Variants in DGKB observed in about 807,000 individuals in gnomAD.
DGKB encodes diacylglycerol kinase beta, also known as 90 kDa diacylglycerol kinase.
In DGKB, 67 loss-of-function variants were observed where a neutral mutation model predicts 114.3. The ratio of observed to expected loss-of-function variants is 0.59; its 90% CI spans 0.48 to 0.72. The LOEUF is 0.72. Among genes scored for constraint, DGKB ranks in the 30% least tolerant of loss-of-function variants. The pLI is 0.00. For synonymous variants in DGKB, 398 were observed against 323.1 expected (o/e 1.23, Z -2.49); for missense variants, 907 against 975.2 (o/e 0.93, Z 0.93).
chr7:14,550,228 T>C (rs1794914780), intron 20 of DGKB, among the ~76,000 whole-genome samples: 1 of 152,136 alleles, frequency 6.6e-6, no homozygotes, highest in African/African-American at 2.4e-5. Context: ...TTATCATTCA[T>C]TAGAGATTAG....
At chr7:14,529,661 C>G (rs58846169) in intron 20 of DGKB, among the ~76,000 whole-genome samples, 17,666 of 151,644 alleles carry the variant, frequency 0.12, 1,477 homozygotes, top group East Asian at 0.44. Flanking sequence ...AATGATAATG[C>G]TCTCAAAACT....
intron 19 of DGKB, among the ~76,000 whole-genome samples, chr7:14,578,219 C>T (rs1799446558): frequency 6.6e-6 from 1 of 152,188 alleles, no homozygotes; most frequent in Admixed American, 6.5e-5. Context: ...TGTAAGTTTC[C>T]TGAGGCCTCC....
chr7:14,484,091 A>G (rs1783402908), intron 20 of DGKB, among the ~76,000 whole-genome samples: 1 of 151,086 alleles, frequency 6.6e-6, no homozygotes, highest in African/African-American at 2.4e-5. Flanking sequence ...TCTTGAATCC[A>G]TGGTTATTTT....
chr7:14,310,873 C>T (rs920178857), intron 23 of DGKB, among the ~76,000 whole-genome samples: 7 of 152,140 alleles, frequency 4.6e-5, no homozygotes, highest in Non-Finnish European at 1.0e-4. Flanking sequence ...TGGCTGACGC[C>T]TGTAATCCCA....
At chr7:14,310,552 G>C (rs750350214) in intron 23 of DGKB, among the ~76,000 whole-genome samples, 6 of 152,122 alleles carry the variant, frequency 3.9e-5, no homozygotes, top group Non-Finnish European at 8.8e-5. Context: ...AACCAATCAA[G>C]AATGGATAAT....
At chr7:14,774,164 G>A (rs1354411112) in intron 2 of DGKB, among the ~76,000 whole-genome samples, 3 of 152,188 alleles carry the variant, frequency 2.0e-5, no homozygotes, top group Admixed American at 6.5e-5. Flanking sequence ...ATAGAGAAAT[G>A]TCTTAGGCAT....
intron 4 of DGKB, 110 bp from the exon 5 acceptor site, chr7:14,736,304 C>A (rs973542993): frequency 2.0e-5 from 13 of 645,388 alleles, no homozygotes; most frequent in South Asian, 2.8e-5. Context: ...ATTTTTATAT[C>A]CAAGTTTAAC....
rs138932826 is a variant in DGKB, at chr7:14,348,736, G to A, written c.1836-3345C>T. Among the ~76,000 whole-genome samples, 232 of 151,842 alleles carry A rather than the reference G, an allele frequency of 1.5e-3. 1 individual carries two copies. Among genetic ancestry groups the A allele is most frequent in the African/African-American group, 5.1e-3 (213 of 41,424 alleles). On this transcript the variant is annotated intron_variant, in intron 21 of 25. Transcript: ENST00000402815. ...ATGAAATATGAGCCAAGTATTGTAG[G>A]AACATACTTCAATGATTCAGCTAAT...
At position 14,352,848 on chromosome 7, in the gene DGKB, G is replaced by A. The variant is rs772910177; in HGVS notation, c.1836-7457C>T. On this transcript the variant is annotated intron_variant, in intron 21 of 25. Coordinates refer to ENST00000402815, the MANE Select transcript of DGKB (RefSeq NM_001350709.2). ...TGAGGCAGGAGAATCGTCTGAACCC[G>A]GGAGGCGGAGGCTGCAGTGAGCTGA... 2.6e-5 allele frequency among the ~76,000 whole-genome samples: 4 copies of A among 152,162 alleles called. No individual in the cohort carries two copies. The Middle Eastern group carries it at 0.01, about 388-fold the overall frequency.
chr7:14,255,129 C>A (rs563979938), intron 23 of DGKB, among the ~76,000 whole-genome samples: 3 of 152,232 alleles, frequency 2.0e-5, no homozygotes, highest in African/African-American at 7.2e-5. Flanking sequence ...GTTGTCAGAA[C>A]AAAGCAACTT....
intron 12 of DGKB, among the ~76,000 whole-genome samples, chr7:14,673,494 A>C (rs1819343702): frequency 6.7e-6 from 1 of 148,620 alleles, no homozygotes; most frequent in Admixed American, 6.8e-5. Context: ...CATTAGTTTT[A>C]ACTTTGTAAT....
At position 14,543,807 on chromosome 7, in the gene DGKB, A is replaced by C. The variant is rs1793863871; in HGVS notation, c.1770+30405T>G. Among the ~76,000 whole-genome samples the C allele has an allele frequency of 1.3e-5, 2 of 152,220 alleles. 1 individual carries two copies. Among genetic ancestry groups the C allele is most frequent in the Admixed American group, 1.3e-4 (2 of 15,266 alleles). On this transcript the variant is annotated intron_variant, in intron 20 of 25. Coordinates refer to ENST00000402815, the MANE Select transcript of DGKB (RefSeq NM_001350709.2). ...AAGGTACTGATTGGTTATAATTCTT[A>C]CAGAGAAAGCTCCAAAAATCTTTTC...
intron 9 of DGKB, among the ~76,000 whole-genome samples, chr7:14,688,257 T>C (rs1822068398): frequency 6.6e-6 from 1 of 152,202 alleles, no homozygotes; most frequent in Admixed American, 6.5e-5. Flanking sequence ...GGAATTTATT[T>C]TTTATAAAAC....
chr7:14,658,362 A>C (rs1816291270), intron 13 of DGKB, among the ~76,000 whole-genome samples: 1 of 151,998 alleles, frequency 6.6e-6, no homozygotes, highest in Non-Finnish European at 1.5e-5. Flanking sequence ...GGGAGTTAAA[A>C]AGTTAATTCC....
chr7:14,670,992 G>T (rs1818868679), intron 13 of DGKB, among the ~76,000 whole-genome samples: 1 of 152,116 alleles, frequency 6.6e-6, no homozygotes, highest in African/African-American at 2.4e-5. Flanking sequence ...AATCAAAAGA[G>T]CTATAATTAT....
chr7:14,930,344 G>C (rs1784951227), intron 1 of DGKB, among the ~76,000 whole-genome samples: 1 of 152,110 alleles, frequency 6.6e-6, no homozygotes, highest in South Asian at 2.1e-4. Context: ...CAATTCATAA[G>C]CATGGGATGT....
chr7:14,691,311 T>A (rs570803917), intron 9 of DGKB, among the ~76,000 whole-genome samples: 2 of 152,290 alleles, frequency 1.3e-5, no homozygotes, highest in Admixed American at 6.5e-5. Flanking sequence ...CCCGAGCTCA[T>A]AATTGACAAT....
intron 1 of DGKB, among the ~76,000 whole-genome samples, chr7:14,921,410 G>A: frequency 6.6e-6 from 1 of 152,162 alleles, no homozygotes; most frequent in Non-Finnish European, 1.5e-5. Context: ...AAACTGAAAG[G>A]TATTAATTCC....
chr7:14,502,025 T>C (rs1179622194), intron 20 of DGKB, among the ~76,000 whole-genome samples: 1 of 151,942 alleles, frequency 6.6e-6, no homozygotes, highest in Non-Finnish European at 1.5e-5. Context: ...TTGTAGCTTG[T>C]CTCAATAGTA....
Sources: allele counts gnomAD v4.1 joint callset (sites outside exome capture counted in the v4.1 genomes callset), GRCh38; gene constraint gnomAD v4.1.1; transcripts MANE v1.5; gene names NCBI Gene and HGNC (gene_info 2026-07-23, HGNC 2026-07-21).